The following POLI variants were observed in gnomAD, a reference collection of about 807,000 sequenced individuals.
The protein encoded by POLI is DNA polymerase iota.
Under a neutral mutation model 51.6 loss-of-function variants are expected in POLI, and 58 were observed. The observed-to-expected ratio is 1.12, with a 90% CI of 0.91 to 1.40. POLI has a LOEUF of 1.40. Among genes scored for constraint, POLI ranks in the 40% most tolerant of loss-of-function variants. The pLI, the probability that POLI is intolerant of heterozygous loss-of-function variation, is 0.00. For missense variants in POLI, 921 were observed against 871.3 expected (o/e 1.06, Z -0.72); for synonymous variants, 322 against 299.7 (o/e 1.07, Z -0.77).
chr18:54,270,439 G>GT (rs1231721575), intron 1 of POLI: 1 of 152,254 alleles, frequency 6.6e-6, no homozygotes, highest in Non-Finnish European at 1.5e-5. Context: ...TGGGATTACA[G>GT]TAGTTAGCCA....
chr18:54,308,343 C>T (rs888156096), intron 3 of POLI, among the ~76,000 whole-genome samples: 1 of 152,150 alleles, frequency 6.6e-6, no homozygotes, highest in Non-Finnish European at 1.5e-5. Flanking sequence ...ACTTATGAAG[C>T]TTACTTTGAC....
Position 54,282,987 on chromosome 18 carries a change from C to A in POLI, c.947C>A (p.Ser316Tyr). The change falls in exon 6 of 10, where the codon TCC (serine) becomes TAC (tyrosine). Residue 316 changes from serine to tyrosine, a missense_variant. Coordinates refer to ENST00000579534, the MANE Select transcript of POLI (RefSeq NM_007195.3). Reference sequence around the variant, plus strand: ...AAGCTCAGTTTTGGAGAGGATAACTCCCCTGTGATACTCTCAGGACCACCT... The same window carrying A: ...AAGCTCAGTTTTGGAGAGGATAACTACCCTGTGATACTCTCAGGACCACCT... Reference protein sequence around the residue: ...IQKLSFGEDNSPVILSGPPQS... With the variant: ...IQKLSFGEDNYPVILSGPPQS... 10 of 1,609,390 alleles carry A rather than the reference C, an allele frequency of 6.2e-6. No homozygotes were observed. The highest frequency in any genetic ancestry group is 7.6e-6 in the Non-Finnish European group (9 of 1,176,964).
At chr18:54,279,361 G>A (rs993069335) in intron 4 of POLI, among the ~76,000 whole-genome samples, 1 of 150,466 alleles carries the variant, frequency 6.6e-6, no homozygotes, top group Non-Finnish European at 1.5e-5. Context: ...TCCTGCTTCA[G>A]CCTCCCGACT....
In POLI at chr18:54,295,657, T is replaced by A; in HGVS notation, c.*1190T>A. On this transcript the variant is annotated 3_prime_UTR_variant, in exon 10 of 10. Transcript: ENST00000579534. ...CTTTTTTTGTTTTGGAGACAGAGTC[T>A]CACTCTGTCGCCCAGGGTGGAGTAC... The A allele has an allele frequency of 2.8e-5, 12 of 432,958 alleles. No homozygotes were observed. Among genetic ancestry groups the A allele is most frequent in the Non-Finnish European group, 3.4e-5 (11 of 325,712 alleles). 26.8% of individuals were successfully genotyped at this position (432,958 alleles called of 1,614,324 possible).
chr18:54,311,456 T>C (rs2144646581), intron 3 of POLI, among the ~76,000 whole-genome samples: 1 of 152,362 alleles, frequency 6.6e-6, no homozygotes, highest in East Asian at 1.9e-4. Flanking sequence ...TGTGTCATAG[T>C]GGTCATTCCT....
intron 4 of POLI, among the ~76,000 whole-genome samples, chr18:54,279,328 C>A (rs2087393182): frequency 6.6e-6 from 1 of 150,878 alleles, no homozygotes; most frequent in South Asian, 2.1e-4. Flanking sequence ...CTGCAACCTC[C>A]ACCTCCTGGG....
intron 4 of POLI, among the ~76,000 whole-genome samples, chr18:54,279,130 A>G (rs1470944535): frequency 1.3e-5 from 2 of 151,974 alleles, no homozygotes; most frequent in Non-Finnish European, 2.9e-5. Flanking sequence ...AAAAAGGGAA[A>G]TGTGGAATTA....
At chr18:54,301,798 A>G (rs1354632915), downstream of POLI, among the ~76,000 whole-genome samples, 1 of 152,078 alleles carries the variant, frequency 6.6e-6, no homozygotes, top group African/African-American at 2.4e-5. Context: ...TGTAGGGCTC[A>G]CCTCATTTGC....
intron 2 of POLI, 51 bp from the exon 3 acceptor site, chr18:54,273,875 T>C (rs2087118816): frequency 1.0e-6 from 1 of 984,516 alleles, no homozygotes; most frequent in Non-Finnish European, 1.4e-6. Context: ...ATAATATCTT[T>C]AAATGTTTTC....
At chr18:54,293,206 T>C (rs748713373) in intron 9 of POLI, among the ~76,000 whole-genome samples, 17 of 151,966 alleles carry the variant, frequency 1.1e-4, no homozygotes, top group Non-Finnish European at 2.1e-4. Flanking sequence ...GGTTTTGTTA[T>C]AGGCTTTTTT....
Position 54,294,834 on chromosome 18 carries a change from T to G in POLI, c.*367T>G, listed in dbSNP as rs2088231463. 1 of 970,922 alleles carries G rather than the reference T, an allele frequency of 1.0e-6. No individual in the cohort carries two copies. The highest frequency in any genetic ancestry group is 1.2e-6 in the Non-Finnish European group (1 of 816,908). The allele number at this position is 970,922 out of a possible 1,614,324, so 60.1% of individuals were successfully genotyped here. ...GGACACATTTTTTTTTTTTTTTTCC[T>G]GTGAAATGTGGAATATCTCAAATTC... On this transcript the variant is annotated 3_prime_UTR_variant, in exon 10 of 10. Transcript: ENST00000579534.
At chr18:54,313,033 A>G (rs1182604552) in intron 3 of POLI, among the ~76,000 whole-genome samples, 2 of 152,206 alleles carry the variant, frequency 1.3e-5, no homozygotes, top group African/African-American at 2.4e-5. Context: ...GCCAATGCCA[A>G]TATCGAGATG....
At chr18:54,300,000 A>T (rs555270292), downstream of POLI, among the ~76,000 whole-genome samples, 9 of 145,682 alleles carry the variant, frequency 6.2e-5, no homozygotes, top group South Asian at 4.3e-4. Context: ...TAGATATCTT[A>T]AAAAAAAAAG....
chr18:54,283,153 T>C (rs1216446906), intron 6 of POLI, 138 bp downstream of exon 6: 1 of 530,468 alleles, frequency 1.9e-6, no homozygotes, highest in Non-Finnish European at 3.3e-6. Flanking sequence ...GCTGATTTAT[T>C]ATTAATAGAT....
chr18:54,269,644 C>T lies in POLI; in HGVS notation c.98C>T (p.Ala33Val), dbSNP rs575201986. 26 of 1,507,370 alleles carry T rather than the reference C, an allele frequency of 1.7e-5. No individual in the cohort carries two copies. Among genetic ancestry groups the T allele is most frequent in the Admixed American group, 6.6e-5 (3 of 45,114 alleles). 93.4% of individuals were successfully genotyped at this position (1,507,370 alleles called of 1,614,324 possible). A position where few individuals can be genotyped will look rare whatever the true frequency, so the allele number is the denominator to read the frequency against. Residue 33 changes from alanine to valine, a missense_variant, in exon 1 of 10, where the codon GCG becomes GTG. Physicochemically the swap from Ala to Val is moderately conservative, Grantham distance 64 (BLOSUM62 0). Transcript: ENST00000579534. ...AWAMELADVG[A>V]AASSQGVHDQ... ...GCCATGGAACTGGCGGACGTGGGGG[C>T]GGCAGCCAGCTCGCAGGGTGCGCCG...
At position 54,294,587 on chromosome 18, in the gene POLI, G is replaced by A; in HGVS notation, c.*120G>A. 7.5e-7 allele frequency: 1 copy of A among 1,332,618 alleles called. No homozygotes were observed. Among genetic ancestry groups the A allele is most frequent in the Non-Finnish European group, 9.6e-7 (1 of 1,045,840 alleles). 82.5% of individuals were successfully genotyped at this position (1,332,618 alleles called of 1,614,324 possible). On this transcript the variant is annotated 3_prime_UTR_variant, in exon 10 of 10. Coordinates refer to ENST00000579534, the MANE Select transcript of POLI (RefSeq NM_007195.3). ...TTCAATAACGGAGTAAACTGTTCCA[G>A]ATAAAGCAAGAATAGTTGCAAGAAG...
chr18:54,295,483 T>C lies in POLI; in HGVS notation c.*1016T>C. On this transcript the variant is annotated 3_prime_UTR_variant, in exon 10 of 10. Coordinates refer to ENST00000579534, the MANE Select transcript of POLI (RefSeq NM_007195.3). The stretch of plus-strand genomic sequence containing the variant: ...TTTATAGAATATACTAAAGTATCCC[T>C]CAGCACCAATATGGGAGTATCCTGG... 3 of 954,092 alleles carry C rather than the reference T, an allele frequency of 3.1e-6. No individual in the cohort carries two copies. Among genetic ancestry groups the C allele is most frequent in the Non-Finnish European group, 1.2e-6 (1 of 801,466 alleles). 59.1% of individuals were successfully genotyped at this position (954,092 alleles called of 1,614,324 possible). A position where few individuals can be genotyped will look rare whatever the true frequency, so the allele number is the denominator to read the frequency against.
chr18:54,287,701 T>C (rs1260097060), intron 8 of POLI: 1 of 215,140 alleles, frequency 4.6e-6, no homozygotes, highest in Non-Finnish European at 9.5e-6. Flanking sequence ...TGCCCCAGCC[T>C]CCCGAGTAGC....
chr18:54,277,307 C>G (rs1331807215), intron 3 of POLI, among the ~76,000 whole-genome samples: 1 of 152,076 alleles, frequency 6.6e-6, no homozygotes, highest in Non-Finnish European at 1.5e-5. Flanking sequence ...GAAAATATAG[C>G]TAAAATATAC....
Sources: allele counts gnomAD v4.1 joint callset (sites outside exome capture counted in the v4.1 genomes callset), GRCh38; gene constraint gnomAD v4.1.1; transcripts MANE v1.5; gene names NCBI Gene and HGNC (gene_info 2026-07-23, HGNC 2026-07-21).